Variants in HMGCLL1 observed in about 807,000 individuals in gnomAD.
The protein encoded by HMGCLL1 is 3-hydroxymethyl-3-methylglutaryl-CoA lyase, cytoplasmic.
A neutral mutation model predicts 39.1 loss-of-function variants in HMGCLL1; 36 were observed. The ratio of observed to expected loss-of-function variants is 0.92; its 90% CI spans 0.71 to 1.22. HMGCLL1 has a LOEUF of 1.22. Ranked by LOEUF, HMGCLL1 falls within the 50% of genes most tolerant of loss-of-function variation. The pLI is 0.00. For synonymous variants in HMGCLL1, 149 were observed against 144.0 expected (o/e 1.03, Z -0.25); for missense variants, 451 against 416.5 (o/e 1.08, Z -0.72).
intron 1 of HMGCLL1, among the ~76,000 whole-genome samples, chr6:55,571,261 T>G (rs556987284): frequency 6.6e-6 from 1 of 152,190 alleles, no homozygotes; most frequent in Admixed American, 6.5e-5. Flanking sequence ...ATGCTTTACA[T>G]CAACAAAAAG....
At chr6:55,545,795 A>G (rs1287414612) in intron 1 of HMGCLL1, among the ~76,000 whole-genome samples, 1 of 152,134 alleles carries the variant, frequency 6.6e-6, no homozygotes, top group African/African-American at 2.4e-5. Context: ...TAAGCTCATT[A>G]GAAAAAAAAA....
chr6:55,617,726 A>G, the HMGCLL1 span, among the ~76,000 whole-genome samples: 3 of 152,106 alleles, frequency 2.0e-5, no homozygotes, highest in East Asian at 5.8e-4. Flanking sequence ...TATCTGGTAA[A>G]GGTGATGATA....
intron 3 of HMGCLL1, among the ~76,000 whole-genome samples, chr6:55,531,622 C>T (rs1267995727): frequency 1.3e-5 from 2 of 152,042 alleles, no homozygotes; most frequent in Admixed American, 1.3e-4. Flanking sequence ...CAGACCAGTA[C>T]TGGTCTGTGG....
chr6:55,549,630 A>T (rs574952018), intron 1 of HMGCLL1, among the ~76,000 whole-genome samples: 1 of 151,986 alleles, frequency 6.6e-6, no homozygotes, highest in African/African-American at 2.4e-5. Context: ...TCAAGTTCAA[A>T]CTCCTAAGAT....
At chr6:55,657,091 G>A in the HMGCLL1 span, among the ~76,000 whole-genome samples, 1 of 151,886 alleles carries the variant, frequency 6.6e-6, no homozygotes, top group African/African-American at 2.4e-5. Flanking sequence ...TACAGATGCT[G>A]GATATTATAC....
At chr6:55,621,537 A>C in the HMGCLL1 span, among the ~76,000 whole-genome samples, 1 of 151,826 alleles carries the variant, frequency 6.6e-6, no homozygotes, top group East Asian at 1.9e-4. Flanking sequence ...CCATGTGAGC[A>C]ATCTAGGTTG....
chr6:55,627,679 CAGGCAGAAAATCCAGAAA>C, the HMGCLL1 span, among the ~76,000 whole-genome samples: 22,307 of 148,972 alleles, frequency 0.15, 2,007 homozygotes, highest in Non-Finnish European at 0.2. Context: ...GAATATAAAG[CAGGCAGAAAATCCAGAAA>C]AGGAGACACA....
At chr6:55,661,772 G>A in the HMGCLL1 span, among the ~76,000 whole-genome samples, 1 of 151,760 alleles carries the variant, frequency 6.6e-6, no homozygotes, top group Non-Finnish European at 1.5e-5. Context: ...TGGTTTGATA[G>A]GAATAGCATT....
At chr6:55,590,048 A>G in the HMGCLL1 span, among the ~76,000 whole-genome samples, 1 of 152,136 alleles carries the variant, frequency 6.6e-6, no homozygotes, top group African/African-American at 2.4e-5. Flanking sequence ...ATTGAAAAAA[A>G]CTACTTTAAA....
chr6:55,642,818 T>C, the HMGCLL1 span, among the ~76,000 whole-genome samples: 1 of 152,056 alleles, frequency 6.6e-6, no homozygotes, highest in African/African-American at 2.4e-5. Flanking sequence ...TAGGCCTCAC[T>C]GTCTATTGTT....
the HMGCLL1 span, among the ~76,000 whole-genome samples, chr6:55,589,420 T>C: frequency 1.3e-5 from 2 of 152,288 alleles, no homozygotes; most frequent in Admixed American, 6.5e-5. Flanking sequence ...ATAAGAGCTA[T>C]TTATGACAAA....
chr6:55,593,760 T>A, the HMGCLL1 span, among the ~76,000 whole-genome samples: 1 of 152,200 alleles, frequency 6.6e-6, no homozygotes, highest in African/African-American at 2.4e-5. Flanking sequence ...TACATTTCCA[T>A]GTGTCAGGCA....
intron 1 of HMGCLL1, among the ~76,000 whole-genome samples, chr6:55,556,868 G>A (rs1770705543): frequency 6.6e-6 from 1 of 152,150 alleles, no homozygotes; most frequent in Non-Finnish European, 1.5e-5. Context: ...CAGGGCAGAT[G>A]CGTACCTTAC....
At chr6:55,472,607 A>G (rs1765096641) in intron 7 of HMGCLL1, among the ~76,000 whole-genome samples, 1 of 151,356 alleles carries the variant, frequency 6.6e-6, no homozygotes, top group South Asian at 2.1e-4. Flanking sequence ...TTTTTGTTTT[A>G]ATTTTTATTT....
At chr6:55,510,646 T>C (rs1360295797) in intron 5 of HMGCLL1, among the ~76,000 whole-genome samples, 1 of 59,434 alleles carries the variant, frequency 1.7e-5, no homozygotes, top group Non-Finnish European at 2.9e-5. Flanking sequence ...TGTTGTGGGG[T>C]GGGGGGAGGG....
chr6:55,534,562 G>A (rs1768902391), intron 3 of HMGCLL1, among the ~76,000 whole-genome samples: 1 of 152,112 alleles, frequency 6.6e-6, no homozygotes, highest in Non-Finnish European at 1.5e-5. Context: ...GCCCCTGCAG[G>A]AGACCACGTG....
At chr6:55,653,811 A>C in the HMGCLL1 span, among the ~76,000 whole-genome samples, 19 of 151,922 alleles carry the variant, frequency 1.3e-4, no homozygotes. Flanking sequence ...CACTTCCAGC[A>C]TAGCACCAAA....
At chr6:55,465,978 T>C (rs1031209569) in intron 7 of HMGCLL1, among the ~76,000 whole-genome samples, 4 of 152,104 alleles carry the variant, frequency 2.6e-5, no homozygotes, top group African/African-American at 9.7e-5. Context: ...TGTATAAGGA[T>C]ATTACTAATA....
the HMGCLL1 span, among the ~76,000 whole-genome samples, chr6:55,643,531 G>T: frequency 2.3e-4 from 35 of 151,946 alleles, no homozygotes; most frequent in African/African-American, 7.0e-4. Context: ...CCCTTGTTGT[G>T]CTATCAAATA....
Sources: allele counts gnomAD v4.1 joint callset (sites outside exome capture counted in the v4.1 genomes callset), GRCh38; gene constraint gnomAD v4.1.1; transcripts MANE v1.5; gene names NCBI Gene and HGNC (gene_info 2026-07-23, HGNC 2026-07-21).